The following FOXP2 variants were observed in gnomAD, a reference collection of about 807,000 sequenced individuals.
FOXP2 encodes forkhead box P2.
A neutral mutation model predicts 115.8 loss-of-function variants in FOXP2; 12 were observed. That is an observed-to-expected ratio of 0.10 (90% CI 0.07 to 0.17). The LOEUF is 0.17. Among genes scored for constraint, FOXP2 ranks in the 10% least tolerant of loss-of-function variants. The pLI is 1.00. For missense variants in FOXP2, 629 were observed against 843.5 expected (o/e 0.75, Z 3.15); for synonymous variants, 328 against 297.7 (o/e 1.10, Z -1.05).
chr7:114,271,556 T>C (rs1290805148), intron 1 of FOXP2, among the ~76,000 whole-genome samples: 3 of 126,624 alleles, frequency 2.4e-5, no homozygotes, highest in Non-Finnish European at 4.8e-5. Context: ...TATTATAATA[T>C]ATAATATATA....
chr7:114,525,407 A>G (rs759069585), intron 2 of FOXP2, among the ~76,000 whole-genome samples: 1 of 152,240 alleles, frequency 6.6e-6, no homozygotes, highest in Non-Finnish European at 1.5e-5. Flanking sequence ...AAAAGTAAGT[A>G]GTTCTTCATT....
At chr7:114,492,798 C>T (rs1222069582) in intron 2 of FOXP2, among the ~76,000 whole-genome samples, 1 of 152,052 alleles carries the variant, frequency 6.6e-6, no homozygotes, top group African/African-American at 2.4e-5. Flanking sequence ...AATTTCTGTT[C>T]TTTTACATTT....
intron 12 of FOXP2, 21 bp downstream of exon 12, chr7:114,659,453 C>T: frequency 6.2e-7 from 1 of 1,604,930 alleles, no homozygotes; most frequent in Non-Finnish European, 8.5e-7. Context: ...GGAAAATTAA[C>T]TTTGCCTGAT....
chr7:114,353,174 T>G (rs1357924308), intron 2 of FOXP2, among the ~76,000 whole-genome samples: 6 of 152,082 alleles, frequency 3.9e-5, no homozygotes, highest in African/African-American at 7.2e-5. Flanking sequence ...TATCAGTGTT[T>G]TCATTGCCCA....
At chr7:114,481,762 C>CTCTATCTATCTATCTA (rs3028214) in intron 2 of FOXP2, among the ~76,000 whole-genome samples, 87 of 145,390 alleles carry the variant, frequency 6.0e-4, no homozygotes, top group Middle Eastern at 3.5e-3. Context: ...CATATGGAAA[C>CTCTATCTATCTATCTA]TCTATCTATC....
At chr7:114,635,358 C>T (rs886900239) in intron 6 of FOXP2, among the ~76,000 whole-genome samples, 19 of 152,108 alleles carry the variant, frequency 1.2e-4, no homozygotes, top group African/African-American at 4.6e-4. Context: ...CCAATATGAA[C>T]AATCCATGTC....
At chr7:114,470,250 G>A (rs576817213) in intron 2 of FOXP2, among the ~76,000 whole-genome samples, 133 of 152,146 alleles carry the variant, frequency 8.7e-4, no homozygotes, top group African/African-American at 3.1e-3. Flanking sequence ...TATACCACAG[G>A]ATCTTTGTTC....
chr7:114,669,928 C>G (rs907796893), intron 16 of FOXP2: 2 of 151,968 alleles, frequency 1.3e-5, no homozygotes, highest in Admixed American at 6.6e-5. Context: ...AAATGAGATT[C>G]CCATTTTTAT....
At chr7:114,606,235 A>G (rs767826585) in intron 3 of FOXP2, among the ~76,000 whole-genome samples, 2 of 152,220 alleles carry the variant, frequency 1.3e-5, no homozygotes, top group African/African-American at 2.4e-5. Flanking sequence ...TCACAGATTC[A>G]GAATCAAGCA....
At chr7:114,106,014 T>C (rs972315592) in intron 1 of FOXP2, among the ~76,000 whole-genome samples, 1 of 152,066 alleles carries the variant, frequency 6.6e-6, no homozygotes, top group African/African-American at 2.4e-5. Flanking sequence ...TCTGTAGTTT[T>C]TTGCAGCATT....
At position 114,209,100 on chromosome 7, in the gene FOXP2, T is replaced by C. The variant is rs999938196; in HGVS notation, c.-102+46012T>C. ...TGTTGGAGCGATCAGATGGAGATAA[T>C]TGAATCATGGCATGGTTTCTCCCAT... On this transcript the variant is annotated intron_variant, in intron 1 of 17. Coordinates refer to the FOXP2 transcript ENST00000634411. 3.3e-5 allele frequency among the ~76,000 whole-genome samples: 5 copies of C among 152,190 alleles called. 1 individual carries two copies. The highest frequency in any genetic ancestry group is 4.1e-4 in the South Asian group (2 of 4,828).
At chr7:114,334,956 TATAG>T (rs1011700683) in intron 2 of FOXP2, among the ~76,000 whole-genome samples, 1 of 143,322 alleles carries the variant, frequency 7.0e-6, no homozygotes, top group African/African-American at 2.5e-5. Flanking sequence ...TATATATATA[TATAG>T]AAATCCAAGT....
chr7:114,547,877 A>G (rs959779618), intron 3 of FOXP2, among the ~76,000 whole-genome samples: 2 of 152,224 alleles, frequency 1.3e-5, no homozygotes, highest in Non-Finnish European at 2.9e-5. Flanking sequence ...AATTATATCT[A>G]TTGCCTCAGC....
intron 2 of FOXP2, among the ~76,000 whole-genome samples, chr7:114,408,662 G>A (rs1197003500): frequency 6.6e-6 from 1 of 152,074 alleles, no homozygotes; most frequent in African/African-American, 2.4e-5. Context: ...GGGAGGCAGA[G>A]GTTGGAGTGA....
chr7:114,341,477 G>T (rs1791216371), intron 2 of FOXP2, among the ~76,000 whole-genome samples: 1 of 151,208 alleles, frequency 6.6e-6, no homozygotes, highest in African/African-American at 2.4e-5. Context: ...CTCCAGGGTT[G>T]TTTAAAAACA....
chr7:114,603,642 TTAAA>T (rs1044826262), intron 3 of FOXP2, among the ~76,000 whole-genome samples: 2 of 152,242 alleles, frequency 1.3e-5, no homozygotes, highest in African/African-American at 4.8e-5. Flanking sequence ...AGAATTTTTC[TTAAA>T]TAATTAGAAT....
chr7:114,437,541 C>T (rs1284426600), intron 2 of FOXP2, among the ~76,000 whole-genome samples: 2 of 151,948 alleles, frequency 1.3e-5, no homozygotes, highest in African/African-American at 4.8e-5. Flanking sequence ...AAGAATAAAC[C>T]CTGTTTCACA....
intron 3 of FOXP2, among the ~76,000 whole-genome samples, chr7:114,594,184 A>G (rs1278485123): frequency 6.6e-6 from 1 of 152,066 alleles, no homozygotes; most frequent in Non-Finnish European, 1.5e-5. Context: ...ATACTTAAAT[A>G]ATTTCTACAT....
intron 2 of FOXP2, among the ~76,000 whole-genome samples, chr7:114,524,701 C>A (rs1292866099): frequency 6.6e-6 from 1 of 152,050 alleles, no homozygotes; most frequent in African/African-American, 2.4e-5. Flanking sequence ...TTTCTTTTTA[C>A]TTTACTTTGT....
Sources: gnomAD v4.1 joint callset for allele counts (sites outside exome capture counted in the v4.1 genomes callset) on GRCh38, gnomAD v4.1.1 for gene constraint, MANE v1.5 for transcripts, NCBI Gene and HGNC (gene_info 2026-07-23, HGNC 2026-07-21) for gene names.